Variants in THOC6 observed in about 807,000 individuals in gnomAD.
The protein encoded by THOC6 is THO complex subunit 6.
A neutral mutation model predicts 55.8 loss-of-function variants in THOC6; 39 were observed. The ratio of observed to expected loss-of-function variants is 0.70; its 90% CI spans 0.54 to 0.91. The LOEUF (loss-of-function observed/expected upper bound fraction) is 0.91, where lower values mean the gene tolerates loss of function less well. Among genes scored for constraint, THOC6 ranks in the 40% least tolerant of loss-of-function variants. The pLI is 0.00. For missense variants in THOC6, 482 were observed against 442.0 expected, an observed-to-expected ratio of 1.09 and a Z score of -0.81; for synonymous variants, 192 against 175.6, an observed-to-expected ratio of 1.09 and a Z score of -0.74.
chr16:3,027,342 G>T (rs376372712), intron 11 of THOC6, 24 bp from the exon 12 acceptor site: 1 of 1,613,772 alleles, frequency 6.2e-7, no homozygotes, highest in Non-Finnish European at 8.5e-7. Flanking sequence ...CCTGACCCCT[G>T]AGCACCTTCC....
At chr16:3,025,284 GCCCAGGCTGCTCTCAAACTCCTGGCCT>G (rs773173001) in intron 1 of THOC6, among the ~76,000 whole-genome samples, 4 of 152,098 alleles carry the variant, frequency 2.6e-5, no homozygotes, top group Non-Finnish European at 5.9e-5. Flanking sequence ...TCACTATGTT[GCCCAGGCTGCTCTCAAACTCCTGGCCT>G]CCCAGAGCGC....
In THOC6 at chr16:3,027,384, G is replaced by A; in HGVS notation, c.829G>A (p.Gly277Ser). 1.2e-6 allele frequency: 2 copies of A among 1,612,820 alleles called. No homozygotes were observed. The highest frequency in any genetic ancestry group is 1.7e-6 in the Non-Finnish European group (2 of 1,179,464). Residue 277 changes from glycine to serine, a missense_variant, in exon 12 of 13, where the codon GGC becomes AGC. Coordinates refer to ENST00000326266, the MANE Select transcript of THOC6 (RefSeq NM_024339.5). ...YQDLILSAGQ[G>S]RCVNQWQLSG... ...TCTGCAGATTCTGTCAGCTGGCCAGGGCCGCTGCGTCAACCAGTGGCAGCT... is the reference window on the plus strand; with the variant it reads ...TCTGCAGATTCTGTCAGCTGGCCAGAGCCGCTGCGTCAACCAGTGGCAGCT...
In THOC6 at chr16:3,027,525, C is replaced by T. The variant is rs370139557; in HGVS notation, c.945+25C>T. 401 of 1,611,394 alleles carry T rather than the reference C, an allele frequency of 2.5e-4. 1 individual carries two copies. Among genetic ancestry groups the T allele is most frequent in the Non-Finnish European group, 3.2e-4 (377 of 1,178,946 alleles). ...GGTGGGTCCGGCAGGGGCCGCGGAGCGGCTGGGAGGCAGGGGTGTGGGCAG... is the reference window on the plus strand; with the variant it reads ...GGTGGGTCCGGCAGGGGCCGCGGAGTGGCTGGGAGGCAGGGGTGTGGGCAG... On this transcript the variant is annotated intron_variant, in intron 12 of 12. Transcript: ENST00000326266.
At chr16:3,024,446 C>T (rs367953788) in intron 1 of THOC6, 81 bp downstream of exon 1, 5 of 1,569,376 alleles carry the variant, frequency 3.2e-6, no homozygotes, top group East Asian at 2.2e-5. Flanking sequence ...GGAATCGTGC[C>T]CTGAGCCCTG....
chr16:3,027,369 CTGTCA>C lies in THOC6; in HGVS notation c.815_819del (p.Leu272ArgfsTer40). The C allele has an allele frequency of 6.2e-7, 1 of 1,613,084 alleles. No homozygotes were observed. The highest frequency in any genetic ancestry group is 8.5e-7 in the Non-Finnish European group (1 of 1,179,424). The stretch of plus-strand genomic sequence containing the variant: ...GCACCTTCCCTGTCCTCTGCAGATT[CTGTCA>C]GCTGGCCAGGGCCGCTGCGTCAACC... On this transcript the variant is annotated frameshift_variant, in exon 12 of 13. Transcript: ENST00000326266. LOFTEE classifies it high-confidence loss of function.
In THOC6 at chr16:3,024,322, T is replaced by G. The variant is rs778919416; in HGVS notation, c.-5T>G. 1.9e-5 allele frequency: 30 copies of G among 1,614,008 alleles called. No individual in the cohort carries two copies. In the East Asian group the frequency reaches 3.3e-4, roughly 18 times the overall value. ...CGGAGCACTCTGGGACTTGTAGTTC[T>G]GGAGATGGAGCGAGCTGTGCCGCTC... On this transcript the variant is annotated 5_prime_UTR_variant, in exon 1 of 13. Coordinates refer to ENST00000326266, the MANE Select transcript of THOC6 (RefSeq NM_024339.5).
In THOC6 at chr16:3,026,851, A is replaced by C; in HGVS notation, c.587-16A>C. Reference sequence around the variant, plus strand: ...CTGAGGCAAGTGGGGCACCACTCACAGTTCTTTCCCCGCAGACCTGCGCAC... The same window carrying C: ...CTGAGGCAAGTGGGGCACCACTCACCGTTCTTTCCCCGCAGACCTGCGCAC... On this transcript the variant is annotated splice_polypyrimidine_tract_variant and intron_variant, in intron 8 of 12. Transcript: ENST00000326266. 2 of 1,614,198 alleles carry C rather than the reference A, an allele frequency of 1.2e-6. No individual in the cohort carries two copies. Among genetic ancestry groups the C allele is most frequent in the Non-Finnish European group, 1.7e-6 (2 of 1,180,028 alleles).
rs1304262111 is a variant in THOC6, at chr16:3,027,162, C to T, written c.700-8C>T. On this transcript the variant is annotated splice_polypyrimidine_tract_variant and splice_region_variant and intron_variant, in intron 10 of 12. Coordinates refer to ENST00000326266, the MANE Select transcript of THOC6 (RefSeq NM_024339.5). ...TTCACAGCTGGGGACTCCCACCTTT[C>T]TGTCCAGGTCTGTGGAGGGGGCCCA... The T allele has an allele frequency of 6.2e-7, 1 of 1,614,200 alleles. No homozygotes were observed. Among genetic ancestry groups the T allele is most frequent in the South Asian group, 1.1e-5 (1 of 91,088 alleles).
chr16:3,024,433 C>T (rs1310240214), intron 1 of THOC6, 68 bp downstream of exon 1: 2 of 1,593,158 alleles, frequency 1.3e-6, no homozygotes, highest in Non-Finnish European at 1.7e-6. Context: ...ACGGGGCGGG[C>T]AGGGAATCGT....
chr16:3,026,910 G>C lies in THOC6; in HGVS notation c.630G>C (p.Lys210Asn), dbSNP rs754008235. The change falls in exon 9 of 13, where the codon AAG becomes AAC. Residue 210 changes from lysine (K) to asparagine (N), a missense_variant. Transcript: ENST00000326266. ...AKEVQTIEVY[K>N]HEECSRPHNG... is the part of the protein sequence containing the mutation. ...AGGTCCAGACGATCGAGGTCTATAA[G>C]CACGAGGTGAGGGTGTGACCGTGGC... 51 of 1,614,096 alleles carry C rather than the reference G, an allele frequency of 3.2e-5. No homozygotes were observed. Among genetic ancestry groups the C allele is most frequent in the Non-Finnish European group, 4.3e-5 (51 of 1,180,040 alleles).
chr16:3,027,709 C>CTTTTTT lies in THOC6; in HGVS notation c.*64_*69dup. ...AGGGTTTTAGAGTGTTTTTCATTTT[C>CTTTTTT]TTTTTTTTTTTTTTTTTACAATAAA... On this transcript the variant is annotated 3_prime_UTR_variant, in exon 13 of 13. Coordinates refer to ENST00000326266, the MANE Select transcript of THOC6 (RefSeq NM_024339.5). 1 of 1,350,142 alleles carries CTTTTTT rather than the reference C, an allele frequency of 7.4e-7. No homozygotes were observed. The highest frequency in any genetic ancestry group is 9.9e-7 in the Non-Finnish European group (1 of 1,008,928). 83.6% of individuals were successfully genotyped at this position (1,350,142 alleles called of 1,614,324 possible).
In THOC6 at chr16:3,027,358, CTCTGCAGAT is replaced by C. The variant is rs1414278497; in HGVS notation, c.811-3_816del. The C allele has an allele frequency of 2.5e-6, 4 of 1,613,212 alleles. No individual in the cohort carries two copies. In the East Asian group the frequency reaches 8.9e-5, roughly 36 times the overall value. ...CTGACCCCTGAGCACCTTCCCTGTC[CTCTGCAGAT>C]TCTGTCAGCTGGCCAGGGCCGCTGC... is the stretch of plus-strand genomic sequence containing the variant. On this transcript the variant is annotated splice_acceptor_variant and splice_polypyrimidine_tract_variant and coding_sequence_variant and intron_variant, in exon 12 of 13. Coordinates refer to ENST00000326266, the MANE Select transcript of THOC6 (RefSeq NM_024339.5). LOFTEE classifies it high-confidence loss of function.
In THOC6 at chr16:3,025,891, C is replaced by G. The variant is rs758973553; in HGVS notation, c.156-33C>G. Reference sequence around the variant, plus strand: ...CCTCATGGGACGGATGCCCCCGTTTCTGACTCCTGGGTCCCCTCCGCTGTC... The same window carrying G: ...CCTCATGGGACGGATGCCCCCGTTTGTGACTCCTGGGTCCCCTCCGCTGTC... On this transcript the variant is annotated intron_variant, in intron 2 of 12. Coordinates refer to ENST00000326266, the MANE Select transcript of THOC6 (RefSeq NM_024339.5). 2.5e-6 allele frequency: 4 copies of G among 1,614,104 alleles called. No homozygotes were observed. In the African/African-American group the frequency reaches 4.0e-5, roughly 16 times the overall value.
rs745845351 is a variant in THOC6 at position 3,027,704 on chromosome 16, A to G, written c.*47A>G. On this transcript the variant is annotated 3_prime_UTR_variant, in exon 13 of 13. Coordinates refer to ENST00000326266, the MANE Select transcript of THOC6 (RefSeq NM_024339.5). Reference sequence around the variant, plus strand: ...AGCTCAGGGTTTTAGAGTGTTTTTCATTTTCTTTTTTTTTTTTTTTTTACA... The same window carrying G: ...AGCTCAGGGTTTTAGAGTGTTTTTCGTTTTCTTTTTTTTTTTTTTTTTACA... 1 of 1,384,310 alleles carries G rather than the reference A, an allele frequency of 7.2e-7. No individual in the cohort carries two copies. The highest frequency in any genetic ancestry group is 9.4e-7 in the Non-Finnish European group (1 of 1,062,948). 85.8% of individuals were successfully genotyped at this position (1,384,310 alleles called of 1,614,324 possible).
chr16:3,026,908 A>G lies in THOC6; in HGVS notation c.628A>G (p.Lys210Glu), dbSNP rs764389709. 1.4e-5 allele frequency: 23 copies of G among 1,614,018 alleles called. No individual in the cohort carries two copies. The highest frequency in any genetic ancestry group is 4.5e-5 in the East Asian group (2 of 44,896). Reference protein sequence around the residue: ...AKEVQTIEVYKHEECSRPHNG... With the variant: ...AKEVQTIEVYEHEECSRPHNG... ...GGAGGTCCAGACGATCGAGGTCTAT[A>G]AGCACGAGGTGAGGGTGTGACCGTG... Residue 210 changes from lysine to glutamate, a missense_variant, in exon 9 of 13, where the codon AAG becomes GAG. Physicochemically the swap from Lys to Glu is moderately conservative, Grantham distance 56 (BLOSUM62 1). Transcript: ENST00000326266.
Position 3,026,825 on chromosome 16 carries a change from G to C in THOC6, c.587-42G>C, listed in dbSNP as rs368334924. On this transcript the variant is annotated intron_variant, in intron 8 of 12. Transcript: ENST00000326266. ...GGAGGGCAAGATGGCAGTGAAGGAG[G>C]CTGAGGCAAGTGGGGCACCACTCAC... The C allele has an allele frequency of 3.7e-6, 6 of 1,614,004 alleles. No homozygotes were observed. The African/African-American group carries it at 6.7e-5, about 18-fold the overall frequency.
At position 3,026,875 on chromosome 16, in the gene THOC6, A is replaced by T. The variant is rs769492928; in HGVS notation, c.595A>T (p.Thr199Ser). 6.2e-7 allele frequency: 1 copy of T among 1,614,212 alleles called. No homozygotes were observed. Among genetic ancestry groups the T allele is most frequent in the Non-Finnish European group, 8.5e-7 (1 of 1,180,034 alleles). Residue 199 changes from threonine to serine, a missense_variant, in exon 9 of 13, where the codon ACA becomes TCA. By Grantham distance (58) the Thr-to-Ser change is moderately conservative. Transcript: ENST00000326266. ...CAGTTCTTTCCCCGCAGACCTGCGC[A>T]CAGCCAAGGAGGTCCAGACGATCGA... ...DGAVRLWDLRTAKEVQTIEVY... is the reference protein window; with the variant it reads ...DGAVRLWDLRSAKEVQTIEVY...
In THOC6 at chr16:3,024,207, C is replaced by G; in HGVS notation, c.-120C>G. 2 of 1,284,626 alleles carry G rather than the reference C, an allele frequency of 1.6e-6. No individual in the cohort carries two copies. Among genetic ancestry groups the G allele is most frequent in the South Asian group, 1.2e-5 (1 of 81,222 alleles). The allele number at this position is 1,284,626 out of a possible 1,614,324, so 79.6% of individuals were successfully genotyped here. ...TCGGCTCCTAGGGTTCGGGACGGTACGCACCAGCCACCTTCGCGCCGAAGG... is the reference window on the plus strand; with the variant it reads ...TCGGCTCCTAGGGTTCGGGACGGTAGGCACCAGCCACCTTCGCGCCGAAGG... On this transcript the variant is annotated 5_prime_UTR_variant, in exon 1 of 13. Transcript: ENST00000326266.
At chr16:3,025,567 C>T (rs1397285211) in intron 1 of THOC6, 141 bp from the exon 2 acceptor site, 4 of 702,084 alleles carry the variant, frequency 5.7e-6, no homozygotes, top group African/African-American at 3.6e-5. Context: ...CAGGTGCTGG[C>T]TTGGGGCGGG....
Sources: gnomAD v4.1 joint callset for allele counts (sites outside exome capture counted in the v4.1 genomes callset) on GRCh38, gnomAD v4.1.1 for gene constraint, MANE v1.5 for transcripts, NCBI Gene and HGNC (gene_info 2026-07-23, HGNC 2026-07-21) for gene names.